Variants in TMEM216 observed in about 807,000 individuals in gnomAD.
TMEM216 encodes cerebello-oculo-renal syndrome 2.
In TMEM216, 15 loss-of-function variants were observed where a neutral mutation model predicts 17.8. That is an observed-to-expected ratio of 0.84 (90% CI 0.56 to 1.30). The LOEUF (loss-of-function observed/expected upper bound fraction) is 1.30. Ranked by LOEUF, TMEM216 falls within the 50% of genes most tolerant of loss-of-function variation. TMEM216 has a pLI of 0.00. For missense variants in TMEM216, 160 were observed against 175.7 expected (o/e 0.91, Z 0.51); for synonymous variants, 58 against 73.5 (o/e 0.79, Z 1.08).
chr11:61,393,066 C>T (rs937050850), intron 1 of TMEM216, among the ~76,000 whole-genome samples, 165 bp from the exon 2 acceptor site: 1 of 152,062 alleles, frequency 6.6e-6, no homozygotes. Context: ...CCTCCACTCC[C>T]ACCCCCGTAC....
At chr11:61,393,673 C>A (rs1272152342) in intron 2 of TMEM216, among the ~76,000 whole-genome samples, 1 of 152,126 alleles carries the variant, frequency 6.6e-6, no homozygotes, top group African/African-American at 2.4e-5. Flanking sequence ...AGTGGAGTCC[C>A]CAGAGACTTT....
In TMEM216 at chr11:61,398,254, G is replaced by C; in HGVS notation, c.432-16G>C. The C allele has an allele frequency of 1.3e-6, 2 of 1,501,396 alleles. No individual in the cohort carries two copies. The highest frequency in any genetic ancestry group is 1.8e-6 in the Non-Finnish European group (2 of 1,127,730). 93.0% of individuals were successfully genotyped at this position (1,501,396 alleles called of 1,614,324 possible). A position where few individuals can be genotyped will look rare whatever the true frequency, so the allele number is the denominator to read the frequency against. ...GTCTTTTAACATTTTCTTTCTTTCT[G>C]CCATCGTATGGACAGGATTTGAAGT... On this transcript the variant is annotated splice_polypyrimidine_tract_variant and intron_variant, in intron 4 of 4. Coordinates refer to ENST00000515837, the MANE Select transcript of TMEM216 (RefSeq NM_001173990.3).
chr11:61,394,834 T>C (rs779313804), intron 3 of TMEM216, among the ~76,000 whole-genome samples: 11 of 151,418 alleles, frequency 7.3e-5, no homozygotes, highest in Non-Finnish European at 1.6e-4. Context: ...GCCCGGCAAG[T>C]TTTTATATTT....
intron 2 of TMEM216, among the ~76,000 whole-genome samples, chr11:61,393,664 G>A (rs1223051795): frequency 6.6e-6 from 1 of 152,212 alleles, no homozygotes; most frequent in Non-Finnish European, 1.5e-5. Context: ...ATTTTGGAGA[G>A]TGGAGTCCCC....
At chr11:61,395,443 A>G (rs1172601596) in intron 3 of TMEM216, among the ~76,000 whole-genome samples, 1 of 152,118 alleles carries the variant, frequency 6.6e-6, no homozygotes, top group Non-Finnish European at 1.5e-5. Context: ...AAAAAACAAA[A>G]TAACTTTAAA....
chr11:61,398,149 A>G (rs1858843359), intron 4 of TMEM216, 121 bp from the exon 5 acceptor site: 1 of 1,428,378 alleles, frequency 7.0e-7, no homozygotes, highest in Non-Finnish European at 9.8e-7. Context: ...TTTCCCACTC[A>G]GGGAAGATAC....
intron 3 of TMEM216, among the ~76,000 whole-genome samples, chr11:61,395,039 C>T (rs117501529): frequency 3.9e-5 from 6 of 152,202 alleles, no homozygotes; most frequent in South Asian, 4.1e-4. Flanking sequence ...TACAGTGGTA[C>T]GATCATAGCT....
chr11:61,393,263 C>A lies in TMEM216; in HGVS notation c.67C>A (p.Leu23Met), dbSNP rs1346125980. The stretch of plus-strand genomic sequence containing the variant: ...GTTGTCCTCCACCCCGCTGGAAATC[C>A]TGTTCTTTCTGAACGGGTGGTATAA... ...KRLSSTPLEI[L>M]FFLNGWYNAT... Residue 23 changes from leucine to methionine, a missense_variant, in exon 2 of 5, where the codon CTG becomes ATG. Leu to Met is a conservative substitution (Grantham distance 15, BLOSUM62 2). Transcript: ENST00000515837. 27 of 1,535,942 alleles carry A rather than the reference C, an allele frequency of 1.8e-5. No individual in the cohort carries two copies. Among genetic ancestry groups the A allele is most frequent in the Non-Finnish European group, 2.2e-5 (25 of 1,146,852 alleles).
intron 3 of TMEM216, among the ~76,000 whole-genome samples, chr11:61,395,238 A>G (rs1011266270): frequency 6.6e-6 from 1 of 152,096 alleles, no homozygotes; most frequent in African/African-American, 2.4e-5. Context: ...GGCCTCCCCA[A>G]GGTGCTGGGA....
intron 1 of TMEM216, chr11:61,393,009 C>G (rs892789791): frequency 3.5e-6 from 2 of 566,532 alleles, no homozygotes; most frequent in South Asian, 7.7e-5. Flanking sequence ...ATTCCTGAAG[C>G]CGAAGAGTCG....
In TMEM216 at chr11:61,398,332, GTA is replaced by G; in HGVS notation, c.*57_*58del. ...GCTGACACCACACATATTGCTTCTGGTACTTTAGCCACACCAGTGAGAATTGG... is the reference window on the plus strand; with the variant it reads ...GCTGACACCACACATATTGCTTCTGGCTTTAGCCACACCAGTGAGAATTGG... On this transcript the variant is annotated 3_prime_UTR_variant, in exon 5 of 5. Transcript: ENST00000515837. 6.3e-7 allele frequency: 1 copy of G among 1,588,840 alleles called. No homozygotes were observed. The highest frequency in any genetic ancestry group is 1.7e-5 in the Admixed American group (1 of 58,414).
intron 4 of TMEM216, 112 bp from the exon 5 acceptor site, chr11:61,398,158 A>T: frequency 3.4e-6 from 5 of 1,451,700 alleles, no homozygotes; most frequent in Non-Finnish European, 4.8e-6. Context: ...CAGGGAAGAT[A>T]CTCTCCCTAT....
At chr11:61,397,291 C>T (rs752664834) in intron 3 of TMEM216, among the ~76,000 whole-genome samples, 16 of 151,724 alleles carry the variant, frequency 1.1e-4, no homozygotes, top group Admixed American at 2.0e-4. Context: ...CTCAGCCTCC[C>T]GAGTAGCTGG....
intron 3 of TMEM216, among the ~76,000 whole-genome samples, chr11:61,394,985 T>C (rs1158766244): frequency 6.6e-6 from 1 of 151,578 alleles, no homozygotes; most frequent in East Asian, 1.9e-4. Context: ...TTTTAAACAT[T>C]TATTTATTTG....
chr11:61,396,074 T>C (rs1858791475), intron 3 of TMEM216, among the ~76,000 whole-genome samples: 1 of 152,244 alleles, frequency 6.6e-6, no homozygotes, highest in Non-Finnish European at 1.5e-5. Context: ...TGAGAATGTT[T>C]ATTGCCAAAA....
At chr11:61,395,395 A>G (rs1445703136) in intron 3 of TMEM216, among the ~76,000 whole-genome samples, 3 of 152,180 alleles carry the variant, frequency 2.0e-5, no homozygotes, top group African/African-American at 4.8e-5. Flanking sequence ...TGCAACATAT[A>G]AGAAAGGATA....
At chr11:61,395,238 A>T (rs1011266270) in intron 3 of TMEM216, among the ~76,000 whole-genome samples, 1 of 152,096 alleles carries the variant, frequency 6.6e-6, no homozygotes, top group South Asian at 2.1e-4. Flanking sequence ...GGCCTCCCCA[A>T]GGTGCTGGGA....
At position 61,392,836 on chromosome 11, in the gene TMEM216, C is replaced by A. The variant is rs964203948; in HGVS notation, c.34+171C>A. On this transcript the variant is annotated intron_variant, in intron 1 of 4. Coordinates refer to ENST00000515837, the MANE Select transcript of TMEM216 (RefSeq NM_001173990.3). ...CCGCCCACCCTGGGTGCCTGAAGGTCTCAAGGTGCACAGCTCAAATAAACG... is the reference window on the plus strand; with the variant it reads ...CCGCCCACCCTGGGTGCCTGAAGGTATCAAGGTGCACAGCTCAAATAAACG... 35 of 985,272 alleles carry A rather than the reference C, an allele frequency of 3.6e-5. No homozygotes were observed. In the South Asian group the frequency reaches 5.6e-4, roughly 16 times the overall value. The allele number at this position is 985,272 out of a possible 1,614,324, so 61.0% of individuals were successfully genotyped here.
chr11:61,393,398 C>T, intron 2 of TMEM216, 66 bp downstream of exon 2: 1 of 1,129,950 alleles, frequency 8.8e-7, no homozygotes, highest in Non-Finnish European at 1.3e-6. Context: ...CAATTCCTAC[C>T]AAGAACCTTC....
Sources: gnomAD v4.1 joint callset for allele counts (sites outside exome capture counted in the v4.1 genomes callset) on GRCh38, gnomAD v4.1.1 for gene constraint, MANE v1.5 for transcripts, NCBI Gene and HGNC (gene_info 2026-07-23, HGNC 2026-07-21) for gene names.